Variants in ADAMTS10 observed in about 807,000 individuals in gnomAD.
The protein encoded by ADAMTS10 is ADAM metallopeptidase with thrombospondin type 1 motif 10, also known as A disintegrin and metalloproteinase with thrombospondin motifs 10.
A neutral mutation model predicts 135.9 loss-of-function variants in ADAMTS10; 48 were observed. That is an observed-to-expected ratio of 0.35 (90% CI 0.28 to 0.45). The LOEUF is 0.45. Ranked by LOEUF, ADAMTS10 falls within the 20% of genes least tolerant of loss-of-function variation. The pLI is 1.00. For missense variants in ADAMTS10, 1,131 were observed against 1,565.2 expected, an observed-to-expected ratio of 0.72 and a Z score of 4.68; for synonymous variants, 621 against 647.5, an observed-to-expected ratio of 0.96 and a Z score of 0.62.
chr19:8,606,014 G>C (rs534944567), intron 2 of ADAMTS10, among the ~76,000 whole-genome samples: 17 of 152,332 alleles, frequency 1.1e-4, no homozygotes, highest in African/African-American at 4.1e-4. Flanking sequence ...GACGCTGGGA[G>C]TATCTCCTAT....
At chr19:8,586,933 G>A (rs376604661) in intron 18 of ADAMTS10, 37 bp from the exon 19 acceptor site, 5 of 1,609,238 alleles carry the variant, frequency 3.1e-6, no homozygotes, top group Middle Eastern at 1.7e-4. Context: ...CACTTGGCAT[G>A]TCCCCAACAC....
intron 18 of ADAMTS10, 65 bp from the exon 19 acceptor site, chr19:8,586,961 C>A: frequency 6.5e-7 from 1 of 1,540,228 alleles, no homozygotes; most frequent in South Asian, 1.1e-5. Context: ...CCTCCCCTGT[C>A]CCCGGCCCAT....
rs371732808 is a variant in ADAMTS10, at chr19:8,595,853, A to G, written c.1388T>C (p.Val463Ala). ...TTGGCCCGGTGCCACTGTCGGGTACACAAAGTCCTGTCTGGGGGGCCGGTT... is the reference window on the plus strand; with the variant it reads ...TTGGCCCGGTGCCACTGTCGGGTACGCAAAGTCCTGTCTGGGGGGCCGGTT... ...LNNRPPRQDFVYPTVAPGQAY... is the reference protein window; with the variant it reads ...LNNRPPRQDFAYPTVAPGQAY... Residue 463 changes from valine (V) to alanine (A), a missense_variant, in exon 12 of 26, where the codon GTG (valine) becomes GCG (alanine). Physicochemically the swap from Val to Ala is moderately conservative, Grantham distance 64. Coordinates refer to ENST00000597188, the MANE Select transcript of ADAMTS10 (RefSeq NM_030957.4). 96 of 1,614,060 alleles carry G rather than the reference A, an allele frequency of 5.9e-5. No homozygotes were observed. Among genetic ancestry groups the G allele is most frequent in the Non-Finnish European group, 7.6e-5 (90 of 1,180,038 alleles).
At position 8,600,815 on chromosome 19, in the gene ADAMTS10, C is replaced by G; in HGVS notation, c.810+113G>C. Reference sequence around the variant, plus strand: ...GCCCGGCCTGCAACCTTCCTTTCTACCCCTGTCCCCACGTCAGGGATTGGG... The same window carrying G: ...GCCCGGCCTGCAACCTTCCTTTCTAGCCCTGTCCCCACGTCAGGGATTGGG... On this transcript the variant is annotated intron_variant, in intron 6 of 25. Coordinates refer to ENST00000597188, the MANE Select transcript of ADAMTS10 (RefSeq NM_030957.4). 4 of 1,364,882 alleles carry G rather than the reference C, an allele frequency of 2.9e-6. No homozygotes were observed. The South Asian group carries it at 4.7e-5, about 16-fold the overall frequency. 84.5% of individuals were successfully genotyped at this position (1,364,882 alleles called of 1,614,324 possible).
intron 18 of ADAMTS10, among the ~76,000 whole-genome samples, chr19:8,587,515 G>A (rs2042454357): frequency 1.4e-5 from 2 of 147,642 alleles, no homozygotes; most frequent in South Asian, 2.2e-4. Flanking sequence ...CACCCAGGTT[G>A]GAGTGCAGTG....
chr19:8,608,807 G>A (rs532181018), intron 1 of ADAMTS10, among the ~76,000 whole-genome samples: 1 of 152,176 alleles, frequency 6.6e-6, no homozygotes, highest in East Asian at 1.9e-4. Flanking sequence ...TTTGGGCTCA[G>A]GTGGGGTGTG....
At chr19:8,595,983 A>G (rs1480789159) in intron 11 of ADAMTS10, 80 bp from the exon 12 acceptor site, 2 of 1,613,906 alleles carry the variant, frequency 1.2e-6, no homozygotes, top group East Asian at 2.2e-5. Flanking sequence ...TGGGGGTCCC[A>G]GGGAGCATCC....
intron 12 of ADAMTS10, among the ~76,000 whole-genome samples, chr19:8,594,974 T>C (rs2042585262): frequency 6.6e-6 from 1 of 152,148 alleles, no homozygotes; most frequent in Non-Finnish European, 1.5e-5. Context: ...GGAGGGCAAT[T>C]TGGCAGCTGC....
At chr19:8,588,061 C>T (rs1282818878) in intron 18 of ADAMTS10, among the ~76,000 whole-genome samples, 3 of 151,436 alleles carry the variant, frequency 2.0e-5, no homozygotes, top group Non-Finnish European at 4.4e-5. Flanking sequence ...CCAGCCTGGC[C>T]AATATGGTGA....
chr19:8,585,714 A>G (rs1486776935), intron 22 of ADAMTS10, 54 bp from the exon 23 acceptor site: 31 of 1,552,464 alleles, frequency 2.0e-5, no homozygotes, highest in Non-Finnish European at 2.6e-5. Flanking sequence ...GTCCCAACAC[A>G]ACAGCAGGGG....
At chr19:8,590,920 A>C (rs1248751458) in intron 15 of ADAMTS10, among the ~76,000 whole-genome samples, 4 of 152,264 alleles carry the variant, frequency 2.6e-5, no homozygotes, top group African/African-American at 7.2e-5. Context: ...TTGAGAGAGA[A>C]GGTCTGGAAG....
chr19:8,589,981 G>C lies in ADAMTS10; in HGVS notation c.1808C>G (p.Pro603Arg), dbSNP rs1179336403. ...CACTTCTCTGAAGTCCTGGGAGCCA[G>C]GGGGACAGTCCTGGGGGCAGGAGAG... ...HRSCNTDDCP[P>R]GSQDFREVQC... Residue 603 changes from proline (P) to arginine (R), a missense_variant, in exon 16 of 26, where the codon CCT becomes CGT. By Grantham distance (103) the Pro-to-Arg change is moderately radical. Coordinates refer to ENST00000597188, the MANE Select transcript of ADAMTS10 (RefSeq NM_030957.4). 1.9e-6 allele frequency: 3 copies of C among 1,613,336 alleles called. No individual in the cohort carries two copies. The Admixed American group carries it at 5.0e-5, about 27-fold the overall frequency.
At position 8,589,330 on chromosome 19, in the gene ADAMTS10, C is replaced by G. The variant is rs549273540; in HGVS notation, c.2070G>C (p.Leu690=). ...CACACACTCGGCACTTGTCCTCCCG[C>G]AGGTCGGAGCCCAGGACTCGGTCGC... ...VGCDRVLGSD[L]REDKCRVCGG... The change falls in exon 18 of 26, where the codon CTG becomes CTC. Residue 690 remains leucine, a synonymous_variant. Transcript: ENST00000597188. 69 of 1,612,538 alleles carry G rather than the reference C, an allele frequency of 4.3e-5. No individual in the cohort carries two copies. In the Admixed American group the frequency reaches 7.0e-4, roughly 16 times the overall value.
chr19:8,604,440 CATAT>C (rs1378633474), intron 4 of ADAMTS10, among the ~76,000 whole-genome samples: 1 of 146,594 alleles, frequency 6.8e-6, no homozygotes, highest in Non-Finnish European at 1.5e-5. Context: ...TACACATACA[CATAT>C]ATAATTATAT....
chr19:8,604,198 A>C (rs1555742050), intron 4 of ADAMTS10, among the ~76,000 whole-genome samples: 1 of 151,138 alleles, frequency 6.6e-6, no homozygotes, highest in East Asian at 1.9e-4. Context: ...CTATAGGAGC[A>C]CACCAATATG....
At position 8,596,497 on chromosome 19, in the gene ADAMTS10, G is replaced by T; in HGVS notation, c.1084+45C>A. ...CATCCACCTGCCAGGTCTCACCCCA[G>T]CCCACTGCCTTCATAGGCGCCTGAA... On this transcript the variant is annotated intron_variant, in intron 9 of 25. Transcript: ENST00000597188. This position sits in a 1 kb window ranked among gnomAD's most constrained non-coding sequence, Gnocchi z 7.2. The T allele has an allele frequency of 6.2e-7, 1 of 1,613,776 alleles. No individual in the cohort carries two copies. Among genetic ancestry groups the T allele is most frequent in the Non-Finnish European group, 8.5e-7 (1 of 1,179,722 alleles).
At chr19:8,582,027 TCAAACAAA>T (rs5827004) in intron 25 of ADAMTS10, among the ~76,000 whole-genome samples, 33 of 149,720 alleles carry the variant, frequency 2.2e-4, no homozygotes, top group Non-Finnish European at 4.0e-4. Context: ...CGAGACCCTG[TCAAACAAA>T]CAAACAAACA....
intron 15 of ADAMTS10, among the ~76,000 whole-genome samples, chr19:8,590,707 G>T (rs1266085516): frequency 1.3e-5 from 2 of 152,134 alleles, no homozygotes; most frequent in Non-Finnish European, 1.5e-5. Context: ...TGATTGACCC[G>T]CCTCGGCCTC....
chr19:8,600,109 A>G (rs528906416), intron 6 of ADAMTS10, among the ~76,000 whole-genome samples: 5 of 152,296 alleles, frequency 3.3e-5, no homozygotes, highest in South Asian at 2.1e-4. Flanking sequence ...CACTGTGCCC[A>G]GCCTGTGTGT....
Sources: allele counts gnomAD v4.1 joint callset (sites outside exome capture counted in the v4.1 genomes callset), GRCh38; gene constraint gnomAD v4.1.1; non-coding constraint Gnocchi (gnomAD v3.1); transcripts MANE v1.5; gene names NCBI Gene and HGNC (gene_info 2026-07-23, HGNC 2026-07-21).